Variants in BNC2 observed in about 807,000 individuals in gnomAD.
The protein encoded by BNC2 is basonuclin zinc finger protein 2.
BNC2 carries 20 observed loss-of-function variants against 76.3 expected under a neutral mutation model. That is an observed-to-expected ratio of 0.26 (90% CI 0.18 to 0.38). The LOEUF is 0.38. BNC2 is among the 10% of genes least tolerant of loss of function. BNC2 has a pLI of 1.00. For synonymous variants in BNC2, 582 were observed against 514.8 expected, an observed-to-expected ratio of 1.13 and a Z score of -1.77; for missense variants, 1,382 against 1,399.8, an observed-to-expected ratio of 0.99 and a Z score of 0.20.
At chr9:16,598,159 A>G (rs532124125) in intron 3 of BNC2, among the ~76,000 whole-genome samples, 1 of 152,336 alleles carries the variant, frequency 6.6e-6, no homozygotes, top group South Asian at 2.1e-4. Context: ...GTTCCATAAC[A>G]TCTTTCTAAG....
intron 5 of BNC2, among the ~76,000 whole-genome samples, chr9:16,513,321 T>TTA (rs1822802570): frequency 7.8e-6 from 1 of 127,682 alleles, no homozygotes; most frequent in Non-Finnish European, 1.6e-5. Context: ...TTTTTTTTTT[T>TTA]TTTGAGACAG....
intron 3 of BNC2, among the ~76,000 whole-genome samples, chr9:16,694,698 A>C (rs1348742473): frequency 6.6e-6 from 1 of 152,244 alleles, no homozygotes; most frequent in African/African-American, 2.4e-5. Context: ...TAAAAGAAGA[A>C]AGGAAATGAG....
chr9:16,867,388 C>A (rs753761999), intron 1 of BNC2: 14 of 151,846 alleles, frequency 9.2e-5, no homozygotes. Context: ...ATTTGGGGAT[C>A]GTAGGTTGTT....
intron 4 of BNC2, among the ~76,000 whole-genome samples, chr9:16,573,946 T>C (rs1819408693): frequency 6.6e-6 from 1 of 152,178 alleles, no homozygotes; most frequent in African/African-American, 2.4e-5. Context: ...ATCTTTGAAA[T>C]ACTGTACTTA....
At chr9:16,585,243 G>T (rs1819736629) in intron 3 of BNC2, among the ~76,000 whole-genome samples, 3 of 152,076 alleles carry the variant, frequency 2.0e-5, no homozygotes, top group South Asian at 4.1e-4. Flanking sequence ...TTTACTGGTT[G>T]AATCATTCAT....
chr9:16,569,734 G>A (rs549532237), intron 4 of BNC2, among the ~76,000 whole-genome samples: 1 of 152,176 alleles, frequency 6.6e-6, no homozygotes, highest in Non-Finnish European at 1.5e-5. Context: ...CCACATGAAG[G>A]TGGTAACAGG....
intron 1 of BNC2, among the ~76,000 whole-genome samples, chr9:16,868,560 A>G (rs1438241130): frequency 6.6e-6 from 1 of 152,192 alleles, no homozygotes; most frequent in African/African-American, 2.4e-5. Flanking sequence ...TAATATTCTC[A>G]AGAGGAAAAA....
chr9:16,421,113 A>C, intron 6 of BNC2: 1 of 279,444 alleles, frequency 3.6e-6, no homozygotes, highest in Non-Finnish European at 6.5e-6. Flanking sequence ...GATATTTCCT[A>C]GAGATGGTTG....
intron 3 of BNC2, among the ~76,000 whole-genome samples, chr9:16,702,145 A>G (rs1253843271): frequency 6.6e-6 from 1 of 152,110 alleles, no homozygotes; most frequent in Non-Finnish European, 1.5e-5. Context: ...GCCCAGATAC[A>G]TGTATGTTGA....
At chr9:16,773,067 A>G (rs1825871149) in intron 1 of BNC2, among the ~76,000 whole-genome samples, 1 of 152,170 alleles carries the variant, frequency 6.6e-6, no homozygotes, top group Non-Finnish European at 1.5e-5. Context: ...AGTCCTTCAA[A>G]TATCTTCCCA....
At chr9:16,560,106 C>A (rs974030705) in intron 4 of BNC2, among the ~76,000 whole-genome samples, 7 of 152,208 alleles carry the variant, frequency 4.6e-5, no homozygotes, top group Non-Finnish European at 1.0e-4. Context: ...TTGAAACAGA[C>A]TGCTGGGCCA....
At chr9:16,452,323 T>C (rs1821358618) in intron 5 of BNC2, among the ~76,000 whole-genome samples, 1 of 152,192 alleles carries the variant, frequency 6.6e-6, no homozygotes, top group Non-Finnish European at 1.5e-5. Flanking sequence ...TGCAACACTG[T>C]CTCTCATATA....
chr9:16,722,661 T>G (rs985784613), intron 3 of BNC2, among the ~76,000 whole-genome samples: 1 of 152,238 alleles, frequency 6.6e-6, no homozygotes, highest in Admixed American at 6.5e-5. Context: ...TTCAAATTCA[T>G]TTAAATGAAT....
intron 3 of BNC2, among the ~76,000 whole-genome samples, chr9:16,687,152 A>T (rs1291661243): frequency 6.6e-6 from 1 of 152,118 alleles, no homozygotes; most frequent in East Asian, 1.9e-4. Context: ...CTGGATTCAA[A>T]CTTAAGACAT....
chr9:16,721,840 G>A (rs949051277), intron 3 of BNC2, among the ~76,000 whole-genome samples: 6 of 152,118 alleles, frequency 3.9e-5, no homozygotes, highest in African/African-American at 7.2e-5. Context: ...TTCCTAGATC[G>A]ATTCAAACAC....
chr9:16,645,122 T>C (rs1157009332), intron 3 of BNC2, among the ~76,000 whole-genome samples: 1 of 152,194 alleles, frequency 6.6e-6, no homozygotes, highest in African/African-American at 2.4e-5. Context: ...GTCTATGACT[T>C]GCAGGTAAAA....
chr9:16,765,201 C>T (rs181764429), intron 1 of BNC2, among the ~76,000 whole-genome samples: 6 of 152,258 alleles, frequency 3.9e-5, no homozygotes, highest in Admixed American at 3.9e-4. Context: ...CACAAAGAGA[C>T]AGTCTTATTA....
intron 3 of BNC2, among the ~76,000 whole-genome samples, chr9:16,593,274 T>C (rs1246044810): frequency 6.6e-6 from 1 of 152,070 alleles, no homozygotes; most frequent in Non-Finnish European, 1.5e-5. Flanking sequence ...GTGTAAATGT[T>C]TCTACAACTG....
intron 5 of BNC2, among the ~76,000 whole-genome samples, chr9:16,551,943 C>G (rs573527636): frequency 3.3e-5 from 5 of 152,064 alleles, no homozygotes; most frequent in African/African-American, 1.2e-4. Flanking sequence ...TCTGCAAAGA[C>G]GAAATCTAAA....
Sources: allele counts gnomAD v4.1 joint callset (sites outside exome capture counted in the v4.1 genomes callset), GRCh38; gene constraint gnomAD v4.1.1; transcripts MANE v1.5; gene names NCBI Gene and HGNC (gene_info 2026-07-23, HGNC 2026-07-21).